Variants in EIF4G1 observed in about 807,000 individuals in gnomAD.
EIF4G1 encodes the protein EIF4-gamma.
EIF4G1 carries 4 observed loss-of-function variants against 187.8 expected under a neutral mutation model. That is an observed-to-expected ratio of 0.02 (90% confidence interval 0.01 to 0.05). EIF4G1 has a LOEUF of 0.05. Among genes scored for constraint, EIF4G1 ranks in the 10% least tolerant of loss-of-function variants. The pLI is 1.00. For missense variants in EIF4G1, 1,647 were observed against 2,081.1 expected, an observed-to-expected ratio of 0.79 and a Z score of 4.06; for synonymous variants, 844 against 781.4, an observed-to-expected ratio of 1.08 and a Z score of -1.34.
At chr3:184,327,528 A>T in intron 24 of EIF4G1, 58 bp from the exon 25 acceptor site, 1 of 1,612,936 alleles carries the variant, frequency 6.2e-7, no homozygotes, top group Non-Finnish European at 8.5e-7. Flanking sequence ...TGAGAGCTCC[A>T]AATCTTGTTT....
In EIF4G1 at chr3:184,324,420, GAATTTGGAATGGAGGTAGTGGTGT is replaced by G; in HGVS notation, c.2619+74_2619+97del. 3.4e-5 allele frequency: 55 copies of G among 1,607,018 alleles called. 1 individual carries two copies. In the Middle Eastern group the frequency reaches 7.9e-3, roughly 232 times the overall value. On this transcript the variant is annotated intron_variant, in intron 17 of 32. Coordinates refer to ENST00000346169, the MANE Select transcript of EIF4G1 (RefSeq NM_198241.3). Reference sequence around the variant, plus strand: ...CTTACCCAGATGCTACTCAGCTGTAGAATTTGGAATGGAGGTAGTGGTGTCTTGGGGATTTCTCTGGCTCAGGAC... The same window carrying G: ...CTTACCCAGATGCTACTCAGCTGTAGCTTGGGGATTTCTCTGGCTCAGGAC...
At chr3:184,317,851 C>A (rs1324521065) in intron 6 of EIF4G1, 35 bp downstream of exon 6, 3 of 1,482,614 alleles carry the variant, frequency 2.0e-6, no homozygotes, top group Non-Finnish European at 2.8e-6. Flanking sequence ...TGAGAACAAG[C>A]CCAAGGGAGC....
At position 184,331,255 on chromosome 3, in the gene EIF4G1, G is replaced by A. The variant is rs778465016; in HGVS notation, c.4162-11G>A. The stretch of plus-strand genomic sequence containing the variant: ...AGCTTTGGTAAGCTGGGTTGGTCTT[G>A]TGTTTTCCAGGGTCCTAAAAAGGTG... On this transcript the variant is annotated splice_polypyrimidine_tract_variant and intron_variant, in intron 28 of 32. Transcript: ENST00000346169. The A allele has an allele frequency of 6.2e-7, 1 of 1,614,194 alleles. No homozygotes were observed.
intron 6 of EIF4G1, chr3:184,319,481 GTGTT>G: frequency 2.1e-6 from 1 of 478,272 alleles, no homozygotes; most frequent in Non-Finnish European, 3.9e-6. Context: ...GTGTGTGTGT[GTGTT>G]AGGAATTCTT....
intron 17 of EIF4G1, 99 bp downstream of exon 17, chr3:184,324,446 T>A: frequency 6.4e-7 from 1 of 1,572,616 alleles, no homozygotes; most frequent in Non-Finnish European, 8.7e-7. Flanking sequence ...TAGTGGTGTC[T>A]TGGGGATTTC....
In EIF4G1 at chr3:184,323,311, G is replaced by A. The variant is rs748734910; in HGVS notation, c.2088+70G>A. The stretch of plus-strand genomic sequence containing the variant: ...TGGATGATTCCGTGTCTCAGTGCCC[G>A]CGGGGAGGGGTTTGCCCTGGAGGCG... On this transcript the variant is annotated intron_variant, in intron 14 of 32. Transcript: ENST00000346169. The surrounding 1 kb of genome is among the most constrained non-coding windows in gnomAD (Gnocchi z 6.9). The A allele has an allele frequency of 1.9e-5, 31 of 1,611,502 alleles. No homozygotes were observed. The highest frequency in any genetic ancestry group is 2.1e-5 in the Non-Finnish European group (25 of 1,178,142).
At chr3:184,320,582 G>A (rs1005670389) in intron 7 of EIF4G1, 48 bp from the exon 8 acceptor site, 23 of 1,613,606 alleles carry the variant, frequency 1.4e-5, no homozygotes, top group Non-Finnish European at 1.9e-5. Context: ...AGGGTGGAGA[G>A]GTGGGCTCTT....
chr3:184,321,909 C>T lies in EIF4G1; in HGVS notation c.1325C>T (p.Pro442Leu). Reference sequence around the variant, plus strand: ...CCCCCCACCATCCCCTCTGCTACTCCAGCTACGGCTCCTTCAGCTACTTCC... The same window carrying T: ...CCCCCCACCATCCCCTCTGCTACTCTAGCTACGGCTCCTTCAGCTACTTCC... ...MAPPTIPSAT[P>L]ATAPSATSPA... is the part of the protein sequence containing the mutation. Residue 442 changes from proline to leucine, a missense_variant, in exon 10 of 33, where the codon CCA becomes CTA. Around this residue, in one of 11 missense-constraint regions of EIF4G1, gnomAD observed 522 missense variants for 485.2 expected, o/e 1.08. Coordinates refer to ENST00000346169, the MANE Select transcript of EIF4G1 (RefSeq NM_198241.3). The T allele has an allele frequency of 1.2e-6, 2 of 1,614,176 alleles. No individual in the cohort carries two copies.
At chr3:184,324,134 A>G (rs945245992) in intron 16 of EIF4G1, 67 bp from the exon 17 acceptor site, 1 of 1,610,820 alleles carries the variant, frequency 6.2e-7, no homozygotes, top group Admixed American at 1.7e-5. Context: ...TCAGGTAGTT[A>G]AAGGCTCTTG....
Position 184,321,279 on chromosome 3 carries a change from C to T in EIF4G1, c.698-3C>T, listed in dbSNP as rs201025327. 6.2e-4 allele frequency: 1,004 copies of T among 1,614,106 alleles called. 23 individuals are homozygous for T. The South Asian group carries it at 0.01, about 16-fold the overall frequency. The stretch of plus-strand genomic sequence containing the variant: ...TTGCTCATTCTTCCTTCCTATGGTG[C>T]AGATGACCGGTCACAGGGAGCAATC... On this transcript the variant is annotated splice_polypyrimidine_tract_variant and splice_region_variant and intron_variant, in intron 9 of 32. Coordinates refer to ENST00000346169, the MANE Select transcript of EIF4G1 (RefSeq NM_198241.3).
chr3:184,321,978 AAGG>A lies in EIF4G1; in HGVS notation c.1397_1399del (p.Gly466del), dbSNP rs1560214715. ...ATGGAAGAAGAAGAAGAAGAGGAAG[AAGG>A]AGAAGCAGGAGAAGCAGGAGAAGCT... On this transcript the variant is annotated inframe_deletion, in exon 10 of 33. Coordinates refer to ENST00000346169, the MANE Select transcript of EIF4G1 (RefSeq NM_198241.3). 6.2e-7 allele frequency: 1 copy of A among 1,614,112 alleles called. No individual in the cohort carries two copies.
chr3:184,334,956 C>T lies in EIF4G1; in HGVS notation c.*48C>T, dbSNP rs1481216597. 1 of 1,610,000 alleles carries T rather than the reference C, an allele frequency of 6.2e-7. No individual in the cohort carries two copies. The highest frequency in any genetic ancestry group is 1.7e-5 in the Admixed American group (1 of 59,574). On this transcript the variant is annotated 3_prime_UTR_variant, in exon 33 of 33. Transcript: ENST00000346169. The surrounding 1 kb of genome is among the most constrained non-coding windows in gnomAD (Gnocchi z 5.8). ...GGAGCCCCATGGACACACAGATGGC[C>T]CGGCTAGCCGCCTGGACTGCAGGGG...
rs375287930 is a variant in EIF4G1, at chr3:184,327,461, G to A, written c.3661+13G>A. On this transcript the variant is annotated intron_variant, in intron 24 of 32. Coordinates refer to ENST00000346169, the MANE Select transcript of EIF4G1 (RefSeq NM_198241.3). ...GGGCGGGATGCCGGTGAGAGTCTGG[G>A]AGAGGAATGGAGGGAAAGGCATTGG... 224 of 1,613,490 alleles carry A rather than the reference G, an allele frequency of 1.4e-4. No homozygotes were observed. The highest frequency in any genetic ancestry group is 1.8e-4 in the Non-Finnish European group (218 of 1,179,836).
At position 184,321,707 on chromosome 3, in the gene EIF4G1, G is replaced by A. The variant is rs745607348; in HGVS notation, c.1123G>A (p.Glu375Lys). ...ATCTGAAGATCTGGAACCAGAGGTG[G>A]AGTCAAGCCCAGAGCTTGCTCCTCC... ...VPSEDLEPEV[E>K]SSPELAPPPA... Residue 375 changes from glutamate to lysine, a missense_variant, in exon 10 of 33, where the codon GAG becomes AAG. Physicochemically the swap from Glu to Lys is moderately conservative, Grantham distance 56 (BLOSUM62 1). Around this residue, in one of 11 missense-constraint regions of EIF4G1, gnomAD observed 522 missense variants for 485.2 expected, o/e 1.08. Coordinates refer to ENST00000346169, the MANE Select transcript of EIF4G1 (RefSeq NM_198241.3). 2.7e-5 allele frequency: 43 copies of A among 1,592,854 alleles called. No homozygotes were observed. Among genetic ancestry groups the A allele is most frequent in the Non-Finnish European group, 3.6e-5 (42 of 1,167,580 alleles).
intron 6 of EIF4G1, 72 bp downstream of exon 6, chr3:184,317,888 A>G: frequency 1.7e-6 from 2 of 1,158,998 alleles, no homozygotes; most frequent in South Asian, 2.5e-5. Flanking sequence ...TGATTTCTAA[A>G]GCAGAAGACC....
Position 184,331,998 on chromosome 3 carries a change from GC to G in EIF4G1, c.4531del (p.Leu1511CysfsTer22). ...VAVLKARAKL[L>X]QKYLCDEQKE... Reference sequence around the variant, plus strand: ...CAGTGCTGAAAGCGCGAGCGAAGCTGCTGCAGAAATACCTGTGTGACGAGCA... The same window carrying G: ...CAGTGCTGAAAGCGCGAGCGAAGCTGTGCAGAAATACCTGTGTGACGAGCA... On this transcript the variant is annotated frameshift_variant, in exon 32 of 33. Transcript: ENST00000346169. LOFTEE classifies it high-confidence loss of function. 6.2e-7 allele frequency: 1 copy of G among 1,614,226 alleles called. No individual in the cohort carries two copies. Among genetic ancestry groups the G allele is most frequent in the Non-Finnish European group, 8.5e-7 (1 of 1,180,044 alleles).
At position 184,317,522 on chromosome 3, in the gene EIF4G1, G is replaced by A. The variant is rs761448163; in HGVS notation, c.324+25G>A. 3.7e-6 allele frequency: 6 copies of A among 1,613,508 alleles called. No homozygotes were observed. In the East Asian group the frequency reaches 1.1e-4, roughly 30 times the overall value. ...GGTGAGGCTGGGGGCTTGGAGCCTA[G>A]AAGCCACAGACCCCTATACCTCTCA... is the stretch of plus-strand genomic sequence containing the variant. On this transcript the variant is annotated intron_variant, in intron 5 of 32. Transcript: ENST00000346169.
chr3:184,326,233 C>G (rs576913660), intron 21 of EIF4G1, among the ~76,000 whole-genome samples: 1 of 151,428 alleles, frequency 6.6e-6, no homozygotes, highest in Admixed American at 6.6e-5. Context: ...TTTAAAGTTG[C>G]GAAAAATCAA....
rs931336330 is a variant in EIF4G1, at chr3:184,322,537, G to T, written c.1609-7G>T. On this transcript the variant is annotated splice_region_variant and splice_polypyrimidine_tract_variant and intron_variant, in intron 11 of 32. Coordinates refer to ENST00000346169, the MANE Select transcript of EIF4G1 (RefSeq NM_198241.3). ...TGCAACCAAAACTGGATGTTCTGTT[G>T]TTCTAGGCGAACCCGGCAGTACCAG... is the stretch of plus-strand genomic sequence containing the variant. The T allele has an allele frequency of 6.2e-7, 1 of 1,614,118 alleles. No homozygotes were observed. The highest frequency in any genetic ancestry group is 8.5e-7 in the Non-Finnish European group (1 of 1,180,024).
Sources: gnomAD v4.1 joint callset for allele counts (sites outside exome capture counted in the v4.1 genomes callset) on GRCh38, gnomAD v4.1.1 for gene constraint, gnomAD v4.1.1 regional missense constraint, Gnocchi (gnomAD v3.1) non-coding constraint, MANE v1.5 for transcripts, NCBI Gene and HGNC (gene_info 2026-07-23, HGNC 2026-07-21) for gene names.